The following PTPRT variants were observed in gnomAD, a reference collection of about 807,000 sequenced individuals.
The protein encoded by PTPRT is receptor-type tyrosine-protein phosphatase T.
PTPRT carries 56 observed loss-of-function variants against 176.8 expected under a neutral mutation model. The ratio of observed to expected loss-of-function variants is 0.32; its 90% CI spans 0.26 to 0.40. The LOEUF (loss-of-function observed/expected upper bound fraction) is 0.40. Among genes scored for constraint, PTPRT ranks in the 10% least tolerant of loss-of-function variants. The probability of loss-of-function intolerance (pLI) is 1.00; values close to 1 mark genes in which losing one functional copy is unlikely to be tolerated. For missense variants in PTPRT, 1,540 were observed against 1,908.2 expected, an observed-to-expected ratio of 0.81 and a Z score of 3.60; for synonymous variants, 783 against 739.0, an observed-to-expected ratio of 1.06 and a Z score of -0.96.
At chr20:42,460,737 T>G (rs2071004262) in intron 8 of PTPRT, among the ~76,000 whole-genome samples, 1 of 152,228 alleles carries the variant, frequency 6.6e-6, no homozygotes, top group African/African-American at 2.4e-5. Context: ...TTTTGCCGCC[T>G]TGTGAAGAAA....
intron 9 of PTPRT, among the ~76,000 whole-genome samples, chr20:42,421,464 C>T (rs1055703545): frequency 5.9e-5 from 9 of 151,960 alleles, no homozygotes; most frequent in East Asian, 1.9e-4. Flanking sequence ...TTGACAGTCA[C>T]GACTAAGGTG....
intron 16 of PTPRT, among the ~76,000 whole-genome samples, chr20:42,192,117 C>G (rs6102722): frequency 0.022 from 3,397 of 152,188 alleles, 130 homozygotes; most frequent in African/African-American, 0.077. Flanking sequence ...TGAACAGCAC[C>G]TAGCAAAATG....
At chr20:42,271,385 G>C (rs543229338) in intron 13 of PTPRT, among the ~76,000 whole-genome samples, 1 of 152,280 alleles carries the variant, frequency 6.6e-6, no homozygotes, top group East Asian at 1.9e-4. Context: ...GGAGTCTTTA[G>C]TACGTCAGTG....
chr20:42,425,225 A>C (rs1325980690), intron 9 of PTPRT, among the ~76,000 whole-genome samples: 1 of 152,182 alleles, frequency 6.6e-6, no homozygotes, highest in Non-Finnish European at 1.5e-5. Flanking sequence ...AAACCCACAC[A>C]AAGATTACTA....
intron 16 of PTPRT, among the ~76,000 whole-genome samples, chr20:42,180,267 A>G (rs868834102): frequency 6.6e-6 from 1 of 152,198 alleles, no homozygotes; most frequent in Admixed American, 6.5e-5. Flanking sequence ...CAGCTGGAAC[A>G]GGGTTCTAGC....
At chr20:42,665,700 C>T (rs1208457160) in intron 7 of PTPRT, among the ~76,000 whole-genome samples, 3 of 152,086 alleles carry the variant, frequency 2.0e-5, no homozygotes, top group African/African-American at 7.2e-5. Context: ...ACCCAAATGT[C>T]CAACAGTGAT....
At chr20:42,746,415 G>C (rs1426483238) in intron 6 of PTPRT, among the ~76,000 whole-genome samples, 1 of 151,884 alleles carries the variant, frequency 6.6e-6, no homozygotes, top group Non-Finnish European at 1.5e-5. Flanking sequence ...GAATGATGAG[G>C]AGAAGCACAA....
At chr20:42,291,945 A>T (rs1483367121) in intron 12 of PTPRT, among the ~76,000 whole-genome samples, 1 of 152,116 alleles carries the variant, frequency 6.6e-6, no homozygotes, top group Non-Finnish European at 1.5e-5. Flanking sequence ...TAGAGAATAG[A>T]CTTACGGTGC....
At chr20:42,387,204 TA>T (rs1187328633) in intron 9 of PTPRT, among the ~76,000 whole-genome samples, 1 of 152,222 alleles carries the variant, frequency 6.6e-6, no homozygotes, top group Non-Finnish European at 1.5e-5. Flanking sequence ...ATCATTCCAA[TA>T]AAAATGAGGC....
At chr20:42,228,087 C>G (rs575374122) in intron 15 of PTPRT, among the ~76,000 whole-genome samples, 8 of 152,290 alleles carry the variant, frequency 5.3e-5, no homozygotes, top group African/African-American at 1.7e-4. Context: ...GAGTCACAGA[C>G]AGTCTTTTCT....
chr20:42,607,914 G>C (rs1229940550), intron 7 of PTPRT, among the ~76,000 whole-genome samples: 1 of 152,164 alleles, frequency 6.6e-6, no homozygotes, highest in Non-Finnish European at 1.5e-5. Context: ...GATCCTCCCT[G>C]AAACACCAGC....
chr20:42,154,173 T>C (rs1989251902), intron 17 of PTPRT, among the ~76,000 whole-genome samples: 2 of 152,186 alleles, frequency 1.3e-5, no homozygotes, highest in Non-Finnish European at 2.9e-5. Flanking sequence ...AGAACCATGC[T>C]CATCTGCAAA....
intron 13 of PTPRT, among the ~76,000 whole-genome samples, chr20:42,255,944 T>C (rs1299039690): frequency 6.6e-6 from 1 of 152,178 alleles, no homozygotes; most frequent in Non-Finnish European, 1.5e-5. Context: ...TTATCCCCAG[T>C]GTGGCTTATC....
intron 11 of PTPRT, among the ~76,000 whole-genome samples, chr20:42,338,107 A>G (rs978323315): frequency 6.6e-6 from 1 of 152,216 alleles, no homozygotes; most frequent in Non-Finnish European, 1.5e-5. Context: ...GTTATGGAGG[A>G]AATTAACACC....
intron 6 of PTPRT, among the ~76,000 whole-genome samples, chr20:42,716,470 G>A (rs1316426369): frequency 6.6e-6 from 1 of 152,154 alleles, no homozygotes; most frequent in Non-Finnish European, 1.5e-5. Flanking sequence ...GTATCTCATT[G>A]TGGCTTTGAT....
At chr20:42,314,542 AG>A (rs142862885) in intron 12 of PTPRT, among the ~76,000 whole-genome samples, 84 of 129,962 alleles carry the variant, frequency 6.5e-4, no homozygotes, top group African/African-American at 1.7e-3. Context: ...AAAAAAAAAA[AG>A]AAAGAAAAGA....
chr20:42,483,649 A>G (rs560905471), intron 7 of PTPRT, among the ~76,000 whole-genome samples: 79 of 152,380 alleles, frequency 5.2e-4, no homozygotes, highest in African/African-American at 1.8e-3. Flanking sequence ...TTTGGGGTAC[A>G]GAGGGGGAAC....
intron 1 of PTPRT, among the ~76,000 whole-genome samples, chr20:42,934,642 T>C (rs192697205): frequency 1.7e-4 from 26 of 152,312 alleles, no homozygotes; most frequent in African/African-American, 6.0e-4. Flanking sequence ...CTCTGAACTA[T>C]TGACCAGAGG....
intron 11 of PTPRT, among the ~76,000 whole-genome samples, chr20:42,345,641 C>T (rs956600961): frequency 1.3e-5 from 2 of 149,734 alleles, no homozygotes; most frequent in African/African-American, 4.9e-5. Context: ...TGATGCCAGA[C>T]ACTATCCCAT....
Sources: gnomAD v4.1 joint callset for allele counts (sites outside exome capture counted in the v4.1 genomes callset) on GRCh38, gnomAD v4.1.1 for gene constraint, MANE v1.5 for transcripts, NCBI Gene and HGNC (gene_info 2026-07-23, HGNC 2026-07-21) for gene names.